Variants in CDC40 observed in about 807,000 individuals in gnomAD.
CDC40 encodes the protein pre-mRNA-processing factor 17.
CDC40 carries 27 observed loss-of-function variants against 80.6 expected under a neutral mutation model. The observed-to-expected ratio is 0.33, with a 90% CI of 0.25 to 0.46. CDC40 has a LOEUF of 0.46. Ranked by LOEUF, CDC40 falls within the 20% of genes least tolerant of loss-of-function variation. CDC40 has a pLI of 1.00. For synonymous variants in CDC40, 221 were observed against 232.6 expected (o/e 0.95, Z 0.45); for missense variants, 486 against 694.1 (o/e 0.70, Z 3.37).
chr6:110,183,962 T>A (rs1777232718), intron 1 of CDC40, among the ~76,000 whole-genome samples: 1 of 152,202 alleles, frequency 6.6e-6, no homozygotes, highest in Non-Finnish European at 1.5e-5. Flanking sequence ...CTTTTGTGAC[T>A]TGTCTTCTCA....
rs1449720493 is a variant in CDC40 at position 110,231,763 on chromosome 6, G to A, written c.*1632G>A. On this transcript the variant is annotated 3_prime_UTR_variant, in exon 15 of 15. Coordinates refer to ENST00000307731, the MANE Select transcript of CDC40 (RefSeq NM_015891.3). The stretch of plus-strand genomic sequence containing the variant: ...GCAGTGTATGCTCCTTGCCCTTACG[G>A]AGTGTCTGTTTTTAGAAATTTAGAT... 1 of 150,156 alleles carries A rather than the reference G, an allele frequency of 6.7e-6. No individual in the cohort carries two copies. The highest frequency in any genetic ancestry group is 1.5e-5 in the Non-Finnish European group (1 of 67,686). The allele number at this position is 150,156 out of a possible 1,614,324, so 9.3% of individuals were successfully genotyped here. A position where few individuals can be genotyped will look rare whatever the true frequency, so the allele number is the denominator to read the frequency against.
At chr6:110,210,050 G>A (rs1045039295) in intron 5 of CDC40, among the ~76,000 whole-genome samples, 1 of 151,970 alleles carries the variant, frequency 6.6e-6, no homozygotes, top group African/African-American at 2.4e-5. Context: ...ACAACATTAT[G>A]TGCTAAAATT....
chr6:110,220,657 G>T (rs574145244), intron 12 of CDC40, among the ~76,000 whole-genome samples: 1 of 152,088 alleles, frequency 6.6e-6, no homozygotes, highest in Non-Finnish European at 1.5e-5. Context: ...GTGTTAGCCA[G>T]GATGGTCTCG....
At chr6:110,227,886 C>T (rs1478402187) in intron 13 of CDC40, among the ~76,000 whole-genome samples, 2 of 152,092 alleles carry the variant, frequency 1.3e-5, no homozygotes, top group Non-Finnish European at 2.9e-5. Context: ...GATCCTGGAA[C>T]CAATTCCCAA....
Position 110,217,774 on chromosome 6 carries a change from G to C in CDC40, c.1061G>C (p.Arg354Thr). 6.3e-7 allele frequency: 1 copy of C among 1,593,582 alleles called. No individual in the cohort carries two copies. The highest frequency in any genetic ancestry group is 8.6e-7 in the Non-Finnish European group (1 of 1,161,400). Residue 354 changes from arginine to threonine, a missense_variant, in exon 10 of 15, where the codon AGG becomes ACG. Arg to Thr is a moderately conservative substitution (Grantham distance 71, BLOSUM62 -1). Coordinates refer to ENST00000307731, the MANE Select transcript of CDC40 (RefSeq NM_015891.3). ...GTQFLSAAYD[R>T]YLKLWDTETG... is the part of the protein sequence containing the mutation. The stretch of plus-strand genomic sequence containing the variant: ...CAGTTCCTCAGTGCAGCCTATGACA[G>C]GTATCTTAAGCTCTGGGACACTGAG...
intron 1 of CDC40, among the ~76,000 whole-genome samples, chr6:110,185,467 C>T (rs1028468253): frequency 2.6e-5 from 4 of 151,516 alleles, no homozygotes; most frequent in African/African-American, 9.8e-5. Context: ...TGGTCTCGAT[C>T]TCCTGACCTC....
intron 13 of CDC40, among the ~76,000 whole-genome samples, chr6:110,228,267 T>C (rs1355363449): frequency 6.6e-6 from 1 of 152,220 alleles, no homozygotes; most frequent in Non-Finnish European, 1.5e-5. Context: ...AAAACATTGT[T>C]AAGTGGTGCA....
At position 110,201,570 on chromosome 6, in the gene CDC40, A is replaced by T. The variant is rs149591848; in HGVS notation, c.289A>T (p.Asn97Tyr). 16 of 1,601,294 alleles carry T rather than the reference A, an allele frequency of 1.0e-5. No individual in the cohort carries two copies. Among genetic ancestry groups the T allele is most frequent in the Non-Finnish European group, 1.4e-5 (16 of 1,173,620 alleles). ...TMFAPEFGPE[N>Y]PFRTQQMAAP... ...TGTAACATTGCAGTTTGGACCAGAA[A>T]ATCCCTTTAGGACACAGCAAATGGC... The change falls in exon 3 of 15, where the codon AAT (asparagine) becomes TAT (tyrosine). Residue 97 changes from asparagine to tyrosine, a missense_variant. Coordinates refer to ENST00000307731, the MANE Select transcript of CDC40 (RefSeq NM_015891.3).
chr6:110,209,856 A>G (rs1433554465), intron 5 of CDC40, among the ~76,000 whole-genome samples: 1 of 152,158 alleles, frequency 6.6e-6, no homozygotes, highest in East Asian at 1.9e-4. Flanking sequence ...AACAGGTGAT[A>G]TCTAAGATGA....
chr6:110,205,391 A>G (rs1256718524), intron 3 of CDC40, among the ~76,000 whole-genome samples: 1 of 152,192 alleles, frequency 6.6e-6, no homozygotes, highest in East Asian at 1.9e-4. Flanking sequence ...TAGTAGTGTT[A>G]GAATTAGATC....
rs1777899798 is a variant in CDC40, at chr6:110,228,952, A to C, written c.1538A>C (p.Gln513Pro). The stretch of plus-strand genomic sequence containing the variant: ...CATATGGTAGCAGGCTATGCTTGTC[A>C]GGTGGACTTTTCACCAGACATGAGG... ...KGHMVAGYAC[Q>P]VDFSPDMSYV... The change falls in exon 14 of 15, where the codon CAG becomes CCG. Residue 513 changes from glutamine to proline, a missense_variant. Gln to Pro is a moderately conservative substitution (Grantham distance 76, BLOSUM62 -1). This residue lies in a region of CDC40 where 88 missense variants were observed against 138.7 expected (regional missense o/e 0.63). Transcript: ENST00000307731. The C allele has an allele frequency of 1.2e-6, 2 of 1,604,926 alleles. No homozygotes were observed. The highest frequency in any genetic ancestry group is 1.7e-6 in the Non-Finnish European group (2 of 1,177,276).
intron 1 of CDC40, among the ~76,000 whole-genome samples, chr6:110,189,476 C>T (rs1372944608): frequency 6.6e-6 from 1 of 152,202 alleles, no homozygotes; most frequent in African/African-American, 2.4e-5. Flanking sequence ...TGTACCCTGA[C>T]TACACCAAGA....
intron 2 of CDC40, among the ~76,000 whole-genome samples, chr6:110,198,726 G>A (rs377162509): frequency 8.6e-5 from 13 of 152,010 alleles, no homozygotes; most frequent in Admixed American, 4.6e-4. Context: ...TGTTAAATAC[G>A]CATATGAACT....
At chr6:110,214,258 A>G (rs1469549124) in intron 8 of CDC40, among the ~76,000 whole-genome samples, 3 of 152,220 alleles carry the variant, frequency 2.0e-5, no homozygotes, top group Non-Finnish European at 4.4e-5. Context: ...CCAAAAAAGC[A>G]TAGAATTCAA....
intron 10 of CDC40, 25 bp from the exon 11 acceptor site, chr6:110,219,339 A>G (rs1423728308): frequency 1.9e-6 from 2 of 1,047,196 alleles, no homozygotes; most frequent in East Asian, 2.4e-5. Flanking sequence ...TATTTTACCT[A>G]TTTAATTTGA....
rs539056475 is a variant in CDC40, at chr6:110,191,187, A to G, written c.190-1995A>G. ...GGAACAGTGAATGTGGGCTTATGGT[A>G]TGGTATTATTTTTCTTGTTGGTTTT... On this transcript the variant is annotated intron_variant, in intron 1 of 14. Transcript: ENST00000307731. 2.6e-5 allele frequency among the ~76,000 whole-genome samples: 4 copies of G among 152,220 alleles called. No individual in the cohort carries two copies. In the South Asian group the frequency reaches 6.2e-4, roughly 24 times the overall value.
intron 2 of CDC40, among the ~76,000 whole-genome samples, chr6:110,200,854 T>C (rs534398874): frequency 1.8e-4 from 28 of 152,338 alleles, no homozygotes; most frequent in African/African-American, 6.5e-4. Flanking sequence ...TCAAAAGTAT[T>C]ATAAGCAAAT....
At chr6:110,224,779 G>T (rs1002582224) in intron 12 of CDC40, among the ~76,000 whole-genome samples, 1 of 152,180 alleles carries the variant, frequency 6.6e-6, no homozygotes, top group Non-Finnish European at 1.5e-5. Context: ...TTCTTCCACA[G>T]CTCCTGGTAT....
rs1246690987 is a variant in CDC40 at position 110,231,662 on chromosome 6, T to C, written c.*1531T>C. The C allele has an allele frequency of 6.6e-6, 1 of 152,084 alleles. No individual in the cohort carries two copies. The highest frequency in any genetic ancestry group is 2.4e-5 in the African/African-American group (1 of 41,400). 9.4% of individuals were successfully genotyped at this position (152,084 alleles called of 1,614,324 possible). A position where few individuals can be genotyped will look rare whatever the true frequency, so the allele number is the denominator to read the frequency against. On this transcript the variant is annotated 3_prime_UTR_variant, in exon 15 of 15. Coordinates refer to ENST00000307731, the MANE Select transcript of CDC40 (RefSeq NM_015891.3). The stretch of plus-strand genomic sequence containing the variant: ...AAGGTTGGTTGATAGCAGCTTGGAG[T>C]GCTAACTGGAAGATCAAAATCATGT...
Sources: gnomAD v4.1 joint callset for allele counts (sites outside exome capture counted in the v4.1 genomes callset) on GRCh38, gnomAD v4.1.1 for gene constraint, gnomAD v4.1.1 regional missense constraint, MANE v1.5 for transcripts, NCBI Gene and HGNC (gene_info 2026-07-23, HGNC 2026-07-21) for gene names.